The following RPRD2 variants were observed in gnomAD, a reference collection of about 807,000 sequenced individuals.
The protein encoded by RPRD2 is regulation of nuclear pre-mRNA domain-containing protein 2.
RPRD2 carries 12 observed loss-of-function variants against 104.4 expected under a neutral mutation model. The ratio of observed to expected loss-of-function variants is 0.11; its 90% confidence interval spans 0.07 to 0.19. The LOEUF (loss-of-function observed/expected upper bound fraction) is 0.19, where lower values mean the gene tolerates loss of function less well. Ranked by LOEUF, RPRD2 falls within the 10% of genes least tolerant of loss-of-function variation. The pLI, the probability that RPRD2 is intolerant of heterozygous loss-of-function variation, is 1.00. For synonymous variants in RPRD2, 714 were observed against 684.9 expected, an observed-to-expected ratio of 1.04 and a Z score of -0.66; for missense variants, 1,543 against 1,790.1, an observed-to-expected ratio of 0.86 and a Z score of 2.49.
chr1:150,423,070 T>A (rs1445286092), intron 2 of RPRD2, among the ~76,000 whole-genome samples: 3 of 152,162 alleles, frequency 2.0e-5, no homozygotes, highest in Non-Finnish European at 4.4e-5. Flanking sequence ...AATATGTATG[T>A]GAGAGGGAGG....
At chr1:150,414,736 T>C (rs1553888249) in intron 1 of RPRD2, among the ~76,000 whole-genome samples, 2 of 152,190 alleles carry the variant, frequency 1.3e-5, no homozygotes, top group Non-Finnish European at 2.9e-5. Flanking sequence ...TTGAGTGAAC[T>C]GTTCGCAACA....
chr1:150,387,537 C>G (rs1039950944), intron 1 of RPRD2, among the ~76,000 whole-genome samples: 6 of 127,506 alleles, frequency 4.7e-5, no homozygotes, highest in Non-Finnish European at 6.3e-5. Context: ...ACCAGAAATA[C>G]AACTAAATCT....
chr1:150,446,897 G>A (rs587594352), intron 7 of RPRD2, among the ~76,000 whole-genome samples: 1 of 145,830 alleles, frequency 6.9e-6, no homozygotes, highest in Middle Eastern at 3.4e-3. Context: ...GTGCAGTGGT[G>A]CAATCTCAGC....
At chr1:150,438,164 C>T (rs1666144327) in intron 2 of RPRD2, among the ~76,000 whole-genome samples, 1 of 151,816 alleles carries the variant, frequency 6.6e-6, no homozygotes, top group African/African-American at 2.4e-5. Context: ...GTGTCACTGG[C>T]CTGTAGTCCC....
intron 2 of RPRD2, among the ~76,000 whole-genome samples, chr1:150,435,916 C>A (rs1553892977): frequency 6.6e-6 from 1 of 152,200 alleles, no homozygotes; most frequent in Non-Finnish European, 1.5e-5. Flanking sequence ...GGCTGACTCT[C>A]TTGTTAGGAG....
intron 1 of RPRD2, among the ~76,000 whole-genome samples, chr1:150,373,030 T>C (rs986787834): frequency 6.6e-6 from 1 of 152,066 alleles, no homozygotes; most frequent in African/African-American, 2.4e-5. Context: ...TCTTTTTTTT[T>C]TGAGACGGAA....
chr1:150,451,938 C>A (rs1274189910), intron 7 of RPRD2, among the ~76,000 whole-genome samples: 3 of 151,600 alleles, frequency 2.0e-5, no homozygotes, highest in Non-Finnish European at 4.4e-5. Context: ...GTCAGGAGTT[C>A]AAGACCAGCC....
chr1:150,463,119 ATGT>A (rs1668046774), intron 9 of RPRD2, among the ~76,000 whole-genome samples: 8 of 152,046 alleles, frequency 5.3e-5, no homozygotes, highest in Admixed American at 5.2e-4. Flanking sequence ...GCCTCCTAAA[ATGT>A]TGGGATTACA....
intron 2 of RPRD2, among the ~76,000 whole-genome samples, chr1:150,432,405 T>TC (rs1190659804): frequency 6.6e-6 from 1 of 151,868 alleles, no homozygotes; most frequent in East Asian, 1.9e-4. Context: ...AATATTTATG[T>TC]CCCCCCGAAA....
chr1:150,417,172 A>ATT (rs71578492), intron 1 of RPRD2, among the ~76,000 whole-genome samples: 28 of 149,760 alleles, frequency 1.9e-4, no homozygotes, highest in Non-Finnish European at 3.1e-4. Context: ...TGTTCAACTC[A>ATT]TTTTTTTTTT....
In RPRD2 at chr1:150,364,655, CCCGCCGCCGCCGCCG is replaced by C. The variant is rs373198505; in HGVS notation, c.-48_-34del. On this transcript the variant is annotated 5_prime_UTR_variant, in exon 1 of 11. Transcript: ENST00000369068. ...ACTCGCAGTGATTGTTTTGCCCGCT[CCCGCCGCCGCCGCCG>C]CCGCCGCCGCCAGAGGAGCAGCAGC... 5 of 895,772 alleles carry C rather than the reference CCCGCCGCCGCCGCCG, an allele frequency of 5.6e-6. No individual in the cohort carries two copies. Among genetic ancestry groups the C allele is most frequent in the African/African-American group, 3.5e-5 (2 of 57,176 alleles). 55.5% of individuals were successfully genotyped at this position (895,772 alleles called of 1,614,324 possible).
At chr1:150,374,304 C>G (rs906411766) in intron 1 of RPRD2, among the ~76,000 whole-genome samples, 31 of 152,170 alleles carry the variant, frequency 2.0e-4, no homozygotes, top group African/African-American at 7.2e-4. Context: ...CAGAAAGAAC[C>G]TAGAAGCTCT....
At chr1:150,410,310 T>C (rs1222298428) in intron 1 of RPRD2, among the ~76,000 whole-genome samples, 1 of 152,160 alleles carries the variant, frequency 6.6e-6, no homozygotes, top group African/African-American at 2.4e-5. Context: ...ATGATCAATT[T>C]ATATTTTTAA....
At position 150,444,312 on chromosome 1, in the gene RPRD2, A is replaced by G. The variant is rs1560207832; in HGVS notation, c.629A>G (p.Lys210Arg). 1.9e-6 allele frequency: 3 copies of G among 1,613,742 alleles called. No homozygotes were observed. Among genetic ancestry groups the G allele is most frequent in the Non-Finnish European group, 2.5e-6 (3 of 1,179,760 alleles). Residue 210 changes from lysine (K) to arginine (R), a missense_variant, in exon 6 of 11, where the codon AAG (lysine) becomes AGG (arginine). Physicochemically the swap from Lys to Arg is conservative, Grantham distance 26. This residue lies in a region of RPRD2 where 572 missense variants were observed against 787.3 expected (regional missense o/e 0.73). Coordinates refer to ENST00000369068, the MANE Select transcript of RPRD2 (RefSeq NM_015203.5). The part of the protein sequence containing the change: ...YKRSEDQIEL[K>R]EKQLSTMRVD... Reference sequence around the variant, plus strand: ...CGCTCAGAAGATCAGATAGAACTGAAGGAAAAGCAGTTGTCAACTATGAGG... The same window carrying G: ...CGCTCAGAAGATCAGATAGAACTGAGGGAAAAGCAGTTGTCAACTATGAGG...
intron 1 of RPRD2, among the ~76,000 whole-genome samples, chr1:150,411,392 C>T (rs587744804): frequency 7.2e-6 from 1 of 139,122 alleles, no homozygotes; most frequent in African/African-American, 2.8e-5. Context: ...ACCTGGGAGG[C>T]GGAGGTTGCA....
chr1:150,364,989 G>T, intron 1 of RPRD2, 70 bp downstream of exon 1: 1 of 1,511,472 alleles, frequency 6.6e-7, no homozygotes, highest in South Asian at 1.2e-5. Context: ...GAAACGCTTG[G>T]GGTTTTCCCA....
Position 150,473,400 on chromosome 1 carries a change from G to T in RPRD2, c.*66G>T. 6.3e-6 allele frequency: 9 copies of T among 1,436,852 alleles called. No individual in the cohort carries two copies. Among genetic ancestry groups the T allele is most frequent in the South Asian group, 1.5e-5 (1 of 64,950 alleles). 89.0% of individuals were successfully genotyped at this position (1,436,852 alleles called of 1,614,324 possible). ...ATTGGAAGTAGGAGTTTGGTTTATTGTTGTTGTTTTTATTTGTTTTCTCTT... is the reference window on the plus strand; with the variant it reads ...ATTGGAAGTAGGAGTTTGGTTTATTTTTGTTGTTTTTATTTGTTTTCTCTT... On this transcript the variant is annotated 3_prime_UTR_variant, in exon 11 of 11. Transcript: ENST00000369068.
intron 2 of RPRD2, among the ~76,000 whole-genome samples, chr1:150,431,609 T>G (rs1269590343): frequency 6.6e-6 from 1 of 150,864 alleles, no homozygotes; most frequent in African/African-American, 2.4e-5. Flanking sequence ...GCCTTCTGAG[T>G]AGCTGGGATT....
At chr1:150,397,617 C>T (rs1275518387) in intron 1 of RPRD2, among the ~76,000 whole-genome samples, 3 of 152,124 alleles carry the variant, frequency 2.0e-5, no homozygotes, top group African/African-American at 7.2e-5. Context: ...TGTAGTAAAA[C>T]ATACATAGCA....
Sources: gnomAD v4.1 joint callset for allele counts (sites outside exome capture counted in the v4.1 genomes callset) on GRCh38, gnomAD v4.1.1 for gene constraint, gnomAD v4.1.1 regional missense constraint, MANE v1.5 for transcripts, NCBI Gene and HGNC (gene_info 2026-07-23, HGNC 2026-07-21) for gene names.